Variants in SPOPL observed in about 807,000 individuals in gnomAD.
SPOPL encodes the protein speckle type BTB/POZ protein like, also known as speckle-type POZ protein-like.
A neutral mutation model predicts 53.8 loss-of-function variants in SPOPL; 23 were observed. The observed-to-expected ratio is 0.43, with a 90% CI of 0.31 to 0.61. The LOEUF is 0.61. Among genes scored for constraint, SPOPL ranks in the 20% least tolerant of loss-of-function variants. SPOPL has a pLI of 0.12. For synonymous variants in SPOPL, 164 were observed against 149.7 expected (o/e 1.10, Z -0.70); for missense variants, 442 against 466.9 (o/e 0.95, Z 0.49).
At chr2:138,557,170 A>AT (rs976848043) in intron 5 of SPOPL, among the ~76,000 whole-genome samples, 44 of 152,146 alleles carry the variant, frequency 2.9e-4, no homozygotes, top group African/African-American at 1.0e-3. Flanking sequence ...GAAAAAAAAA[A>AT]AGAATCTGGA....
chr2:138,512,022 A>C (rs931303331), intron 1 of SPOPL, among the ~76,000 whole-genome samples: 1 of 152,226 alleles, frequency 6.6e-6, no homozygotes, highest in African/African-American at 2.4e-5. Context: ...GCTTTCCATG[A>C]GGTTAAATGC....
At chr2:138,563,734 T>G (rs1382763664) in intron 8 of SPOPL, among the ~76,000 whole-genome samples, 2 of 152,152 alleles carry the variant, frequency 1.3e-5, no homozygotes, top group Non-Finnish European at 2.9e-5. Flanking sequence ...AAGTTAAACA[T>G]AAACTTACAC....
At chr2:138,556,982 C>T (rs371315905) in intron 5 of SPOPL, among the ~76,000 whole-genome samples, 1 of 152,032 alleles carries the variant, frequency 6.6e-6, no homozygotes, top group Non-Finnish European at 1.5e-5. Context: ...CGGTGAAAAC[C>T]CATCTCTACT....
At chr2:138,528,171 G>A (rs573781150) in intron 1 of SPOPL, among the ~76,000 whole-genome samples, 3 of 152,178 alleles carry the variant, frequency 2.0e-5, no homozygotes, top group Non-Finnish European at 2.9e-5. Context: ...GGGCTTTGGC[G>A]TGATGGTAAA....
At position 138,504,635 on chromosome 2, in the gene SPOPL, T is replaced by C. The variant is rs893702679; in HGVS notation, c.-61+2516T>C. 6.6e-5 allele frequency among the ~76,000 whole-genome samples: 10 copies of C among 152,200 alleles called. 1 individual carries two copies. The highest frequency in any genetic ancestry group is 1.0e-4 in the Non-Finnish European group (7 of 68,034). ...TGAGAGTGGCCCTTCTCAACCATGTTTCTGGGTGAAAATCAAACCCTAATG... is the reference window on the plus strand; with the variant it reads ...TGAGAGTGGCCCTTCTCAACCATGTCTCTGGGTGAAAATCAAACCCTAATG... On this transcript the variant is annotated intron_variant, in intron 1 of 10. Transcript: ENST00000280098.
chr2:138,549,091 T>C (rs1166499897), intron 1 of SPOPL, among the ~76,000 whole-genome samples: 4 of 152,234 alleles, frequency 2.6e-5, no homozygotes, highest in East Asian at 1.9e-4. Context: ...TATTTCTTTT[T>C]TTATTTTCCT....
At position 138,569,961 on chromosome 2, in the gene SPOPL, A is replaced by G. The variant is rs1244433615; in HGVS notation, c.*881A>G. ...CTTTTGTATGCTGAATGGTACATAT[A>G]TTTTTTTGCTTTTGAGGGAATTAAT... On this transcript the variant is annotated 3_prime_UTR_variant, in exon 11 of 11. Coordinates refer to ENST00000280098, the MANE Select transcript of SPOPL (RefSeq NM_001001664.3). The G allele has an allele frequency of 1.3e-5, 2 of 152,506 alleles. No homozygotes were observed. Among genetic ancestry groups the G allele is most frequent in the Non-Finnish European group, 2.9e-5 (2 of 68,002 alleles). The allele number at this position is 152,506 out of a possible 1,614,324, so 9.4% of individuals were successfully genotyped here.
chr2:138,531,750 T>C (rs1684814575), intron 1 of SPOPL, among the ~76,000 whole-genome samples: 1 of 151,952 alleles, frequency 6.6e-6, no homozygotes, highest in Admixed American at 6.6e-5. Context: ...TTTGATTCTT[T>C]TAAAATTAAA....
intron 1 of SPOPL, among the ~76,000 whole-genome samples, chr2:138,539,385 A>G (rs1016172366): frequency 1.6e-4 from 24 of 151,990 alleles, no homozygotes; most frequent in African/African-American, 3.1e-4. Context: ...AAGTGTTCCT[A>G]TTTCTCCACA....
intron 1 of SPOPL, among the ~76,000 whole-genome samples, chr2:138,517,102 T>C: frequency 6.6e-6 from 1 of 152,260 alleles, no homozygotes; most frequent in African/African-American, 2.4e-5. Context: ...ATTTTCAAAG[T>C]ATGGAATTAA....
intron 1 of SPOPL, among the ~76,000 whole-genome samples, chr2:138,517,721 A>G (rs1385846856): frequency 6.0e-5 from 9 of 149,968 alleles, no homozygotes; most frequent in African/African-American, 2.2e-4. Flanking sequence ...CCTGGGTGAC[A>G]GAGCGAGACT....
chr2:138,547,405 G>A (rs1038693815), intron 1 of SPOPL, among the ~76,000 whole-genome samples: 1 of 152,016 alleles, frequency 6.6e-6, no homozygotes, highest in African/African-American at 2.4e-5. Context: ...ACCCTCCAGG[G>A]TTTCTAAAAG....
chr2:138,544,027 A>C (rs1251237675), intron 1 of SPOPL, among the ~76,000 whole-genome samples: 13 of 152,160 alleles, frequency 8.5e-5, no homozygotes, highest in Admixed American at 8.5e-4. Context: ...GGGTATCAGC[A>C]GTGGAGGCTG....
At chr2:138,509,760 G>A (rs1402777488) in intron 1 of SPOPL, among the ~76,000 whole-genome samples, 1 of 152,044 alleles carries the variant, frequency 6.6e-6, no homozygotes, top group Non-Finnish European at 1.5e-5. Flanking sequence ...AATCTGCATT[G>A]ACCCATCATT....
chr2:138,518,066 GAA>G (rs1684482466), intron 1 of SPOPL, among the ~76,000 whole-genome samples: 1 of 130,916 alleles, frequency 7.6e-6, no homozygotes, highest in African/African-American at 2.9e-5. Context: ...AAAAAAAAAA[GAA>G]AAGGAAAAAG....
intron 8 of SPOPL, among the ~76,000 whole-genome samples, chr2:138,561,324 TG>T (rs924647483): frequency 1.1e-4 from 16 of 152,196 alleles, no homozygotes; most frequent in African/African-American, 3.6e-4. Flanking sequence ...ACATAGAGAT[TG>T]TTTTTTTATT....
At chr2:138,526,186 T>C (rs1341278162) in intron 1 of SPOPL, among the ~76,000 whole-genome samples, 1 of 152,208 alleles carries the variant, frequency 6.6e-6, no homozygotes, top group East Asian at 1.9e-4. Flanking sequence ...ATTATATGAA[T>C]ATTTACTTTA....
chr2:138,565,018 C>G, intron 10 of SPOPL, 25 bp downstream of exon 10: 1 of 1,607,538 alleles, frequency 6.2e-7, no homozygotes, highest in Non-Finnish European at 8.5e-7. Flanking sequence ...GTTTCTGACT[C>G]AAAGTTGCTC....
In SPOPL at chr2:138,520,759, G is replaced by A. The variant is rs7600402; in HGVS notation, c.-61+18640G>A. 1.7e-3 allele frequency among the ~76,000 whole-genome samples: 259 copies of A among 152,286 alleles called. 2 individuals carry two copies. The highest frequency in any genetic ancestry group is 6.1e-3 in the African/African-American group (253 of 41,566). The stretch of plus-strand genomic sequence containing the variant: ...GCTGTGCAACTTTCCGTTGTGAGTA[G>A]TCACCTAACTGCTAGTCTGGCCCAT... On this transcript the variant is annotated intron_variant, in intron 1 of 10. Transcript: ENST00000280098.
Sources: gnomAD v4.1 joint callset for allele counts (sites outside exome capture counted in the v4.1 genomes callset) on GRCh38, gnomAD v4.1.1 for gene constraint, MANE v1.5 for transcripts, NCBI Gene and HGNC (gene_info 2026-07-23, HGNC 2026-07-21) for gene names.